FHIT: variants seen among roughly 807,000 people sequenced by gnomAD.
The protein encoded by FHIT is bis(5'-adenosyl)-triphosphatase.
In FHIT, 19 loss-of-function variants were observed where a neutral mutation model predicts 17.9. The ratio of observed to expected loss-of-function variants is 1.06; its 90% CI spans 0.74 to 1.56. The LOEUF (loss-of-function observed/expected upper bound fraction) is 1.56, where lower values mean the gene tolerates loss of function less well. FHIT is among the 40% of genes most tolerant of loss of function. The pLI is 0.00. For missense variants in FHIT, 248 were observed against 189.2 expected, an observed-to-expected ratio of 1.31 and a Z score of -1.82; for synonymous variants, 81 against 69.7, an observed-to-expected ratio of 1.16 and a Z score of -0.81.
intron 5 of FHIT, among the ~76,000 whole-genome samples, chr3:60,188,660 T>G (rs1381811982): frequency 2.0e-5 from 3 of 152,166 alleles, no homozygotes; most frequent in Admixed American, 6.5e-5. Flanking sequence ...TTTCCAAACT[T>G]CTTTACATTG....
chr3:59,885,635 T>A (rs1703591589), intron 8 of FHIT, among the ~76,000 whole-genome samples: 2 of 152,144 alleles, frequency 1.3e-5, no homozygotes, highest in Admixed American at 1.3e-4. Flanking sequence ...CTTGCAAAGC[T>A]CTGCTACTTT....
chr3:61,104,319 T>C (rs777233158), intron 2 of FHIT, among the ~76,000 whole-genome samples: 4 of 152,116 alleles, frequency 2.6e-5, no homozygotes, highest in Non-Finnish European at 5.9e-5. Flanking sequence ...TTCTCCTTCG[T>C]TTATGAAGCT....
At chr3:59,865,926 C>T (rs1377200896) in intron 8 of FHIT, among the ~76,000 whole-genome samples, 1 of 152,212 alleles carries the variant, frequency 6.6e-6, no homozygotes, top group Admixed American at 6.5e-5. Context: ...CTTCTCCATC[C>T]TCACTGCATC....
At chr3:60,442,512 C>T (rs948641621) in intron 5 of FHIT, among the ~76,000 whole-genome samples, 6 of 152,204 alleles carry the variant, frequency 3.9e-5, no homozygotes, top group Admixed American at 3.3e-4. Flanking sequence ...TTTCCCAGCA[C>T]CATTTGTTAA....
At chr3:60,606,279 C>T (rs2038606337) in intron 4 of FHIT, among the ~76,000 whole-genome samples, 1 of 149,450 alleles carries the variant, frequency 6.7e-6, no homozygotes, top group African/African-American at 2.5e-5. Context: ...CTCGTTCTGT[C>T]ACCCAGGCTG....
At chr3:60,757,283 G>C (rs910195733) in intron 4 of FHIT, among the ~76,000 whole-genome samples, 1 of 152,188 alleles carries the variant, frequency 6.6e-6, no homozygotes, top group Non-Finnish European at 1.5e-5. Context: ...ACCTGGGCCA[G>C]ACATTGTTCT....
rs1243315068 is a variant in FHIT, at chr3:59,748,960, C to T, written c.*625G>A. Among the ~76,000 whole-genome samples, 5 of 152,138 alleles carry T rather than the reference C, an allele frequency of 3.3e-5. No individual in the cohort carries two copies. Among genetic ancestry groups the T allele is most frequent in the Admixed American group, 6.5e-5 (1 of 15,274 alleles). On this transcript the variant is annotated 3_prime_UTR_variant, in exon 10 of 10. Coordinates refer to ENST00000492590, the MANE Select transcript of FHIT (RefSeq NM_002012.4). The stretch of plus-strand genomic sequence containing the variant: ...GCATGTTGAGAATTGTGCAGTTTTG[C>T]AGAGTGAGCACCATGAATGTCTTTA...
chr3:59,928,666 C>T (rs1222761357), intron 7 of FHIT, among the ~76,000 whole-genome samples: 1 of 152,166 alleles, frequency 6.6e-6, no homozygotes, highest in Non-Finnish European at 1.5e-5. Flanking sequence ...ACCACAAAGA[C>T]AATACCACTT....
chr3:60,171,077 C>G (rs1172299577), intron 5 of FHIT, among the ~76,000 whole-genome samples: 1 of 152,156 alleles, frequency 6.6e-6, no homozygotes, highest in South Asian at 2.1e-4. Flanking sequence ...TTCAAAGACC[C>G]TCCATTTCCT....
chr3:60,913,195 G>T (rs534084281), intron 3 of FHIT, among the ~76,000 whole-genome samples: 5 of 152,312 alleles, frequency 3.3e-5, no homozygotes, highest in Admixed American at 6.5e-5. Flanking sequence ...AAGTACCTTG[G>T]TCAAAACACA....
intron 3 of FHIT, among the ~76,000 whole-genome samples, chr3:60,914,310 T>C (rs1249993799): frequency 2.0e-5 from 3 of 152,154 alleles, no homozygotes; most frequent in African/African-American, 4.8e-5. Context: ...AACAATAAAA[T>C]ACTGTAATAA....
chr3:60,227,435 G>A (rs184362683), intron 5 of FHIT, among the ~76,000 whole-genome samples: 26 of 152,216 alleles, frequency 1.7e-4, no homozygotes, highest in African/African-American at 6.3e-4. Context: ...CCTGAATCTG[G>A]CCAGCTAAAT....
At chr3:60,414,554 C>T (rs567443603) in intron 5 of FHIT, among the ~76,000 whole-genome samples, 22 of 152,254 alleles carry the variant, frequency 1.4e-4, no homozygotes, top group Middle Eastern at 6.8e-3. Context: ...AAGCTAAGAA[C>T]CTGAAAGCAA....
At chr3:60,149,540 G>T (rs1700372828) in intron 5 of FHIT, among the ~76,000 whole-genome samples, 1 of 152,042 alleles carries the variant, frequency 6.6e-6, no homozygotes, top group Non-Finnish European at 1.5e-5. Context: ...GAGCTCCATG[G>T]TATCTGGAAG....
chr3:60,469,702 T>C (rs760119657), intron 5 of FHIT, among the ~76,000 whole-genome samples: 2 of 152,090 alleles, frequency 1.3e-5, no homozygotes, highest in Non-Finnish European at 2.9e-5. Flanking sequence ...GTCTTGATGC[T>C]TTGGGTGTTT....
intron 5 of FHIT, among the ~76,000 whole-genome samples, chr3:60,496,592 T>C (rs1296199250): frequency 2.0e-5 from 3 of 152,128 alleles, no homozygotes; most frequent in Non-Finnish European, 4.4e-5. Context: ...CTCTCCAATG[T>C]TGGAGAAATG....
intron 8 of FHIT, among the ~76,000 whole-genome samples, chr3:59,904,423 T>C (rs903023649): frequency 1.3e-4 from 20 of 152,048 alleles, no homozygotes; most frequent in African/African-American, 4.8e-4. Flanking sequence ...ACCTCAACTG[T>C]CAGAAACAGA....
At chr3:60,188,016 C>A (rs1404245104) in intron 5 of FHIT, among the ~76,000 whole-genome samples, 1 of 152,052 alleles carries the variant, frequency 6.6e-6, no homozygotes, top group Non-Finnish European at 1.5e-5. Context: ...TTACCCCATA[C>A]ATTTTCAAAA....
chr3:59,782,520 G>T (rs1267176370), intron 8 of FHIT, among the ~76,000 whole-genome samples: 1 of 152,078 alleles, frequency 6.6e-6, no homozygotes, highest in Non-Finnish European at 1.5e-5. Flanking sequence ...AAATGCAGCA[G>T]GAACACCTCA....
Sources: gnomAD v4.1 joint callset for allele counts (sites outside exome capture counted in the v4.1 genomes callset) on GRCh38, gnomAD v4.1.1 for gene constraint, MANE v1.5 for transcripts, NCBI Gene and HGNC (gene_info 2026-07-23, HGNC 2026-07-21) for gene names.